NEU3: variants seen among roughly 807,000 people sequenced by gnomAD.
NEU3 encodes neuraminidase 3.
Under a neutral mutation model 11.4 loss-of-function variants are expected in NEU3, and 10 were observed. That is an observed-to-expected ratio of 0.88 (90% CI 0.54 to 1.49). The LOEUF is 1.49. NEU3 is among the 40% of genes most tolerant of loss of function. The probability of loss-of-function intolerance (pLI) is 0.00; values close to 1 mark genes in which losing one functional copy is unlikely to be tolerated. For synonymous variants in NEU3, 212 were observed against 228.2 expected (o/e 0.93, Z 0.64); for missense variants, 529 against 581.8 (o/e 0.91, Z 0.93).
At chr11:74,995,853 T>G (rs1392024646) in intron 2 of NEU3, among the ~76,000 whole-genome samples, 2 of 151,950 alleles carry the variant, frequency 1.3e-5, no homozygotes, top group Non-Finnish European at 2.9e-5. Context: ...CATAGATAAT[T>G]TCTTAAAATA....
intron 1 of NEU3, chr11:74,990,132 C>T: frequency 1.5e-6 from 1 of 652,916 alleles, no homozygotes; most frequent in South Asian, 1.7e-5. Flanking sequence ...ATTAAAGACA[C>T]CTATTAAAAC....
At chr11:74,985,298 A>G (rs553127447), upstream of NEU3, among the ~76,000 whole-genome samples, 1 of 152,316 alleles carries the variant, frequency 6.6e-6, no homozygotes, top group South Asian at 2.1e-4. Flanking sequence ...TTACCAATAC[A>G]GTTGAAGTCC....
chr11:74,988,898 C>A, upstream of NEU3: 2 of 637,760 alleles, frequency 3.1e-6, no homozygotes, highest in Admixed American at 3.0e-5. Flanking sequence ...ACAGCCTGCG[C>A]CCGCCTCTTT....
intron 3 of NEU3, among the ~76,000 whole-genome samples, chr11:75,016,233 A>G (rs984151248): frequency 6.6e-6 from 1 of 152,134 alleles, no homozygotes; most frequent in Non-Finnish European, 1.5e-5. Context: ...ACCTGACCCT[A>G]TGTCTGATCT....
rs1307348373 is a variant in NEU3 at position 74,989,090 on chromosome 11, C to T, written c.30C>T (p.Pro10=). Residue 10 remains proline, a synonymous_variant, in exon 1 of 3, where the codon CCC becomes CCT. Coordinates refer to ENST00000294064, the MANE Select transcript of NEU3 (RefSeq NM_006656.6). ...GACCTGCGGACCTGCCCCCGCGCCC[C>T]ATGGAAGAATCCCCGGCGTCCAGCT... MRPADLPPR[P]MEESPASSSA... is the part of the protein sequence containing the mutation. The T allele has an allele frequency of 3.9e-6, 6 of 1,550,868 alleles. No individual in the cohort carries two copies. The highest frequency in any genetic ancestry group is 2.7e-5 in the African/African-American group (2 of 72,998).
At chr11:75,019,495 G>A (rs558567213), downstream of NEU3, among the ~76,000 whole-genome samples, 9 of 152,336 alleles carry the variant, frequency 5.9e-5, no homozygotes, top group Admixed American at 5.2e-4. Flanking sequence ...TTCAGAGGGT[G>A]CAAACATCAA....
intron 2 of NEU3, among the ~76,000 whole-genome samples, chr11:75,005,141 G>T (rs1432527064): frequency 6.6e-6 from 1 of 152,082 alleles, no homozygotes; most frequent in Non-Finnish European, 1.5e-5. Flanking sequence ...TGACTTTTGA[G>T]TTGGGTATGG....
At position 75,006,495 on chromosome 11, in the gene NEU3, G is replaced by T. The variant is rs779433984; in HGVS notation, c.*3G>T. ...CAAGCCAATTCAAAAGCAATTAATT[G>T]GCTTAGGACCCAATTTCCATAGATG... On this transcript the variant is annotated 3_prime_UTR_variant, in exon 3 of 3. Coordinates refer to ENST00000294064, the MANE Select transcript of NEU3 (RefSeq NM_006656.6). The T allele has an allele frequency of 5.6e-6, 9 of 1,598,990 alleles. No individual in the cohort carries two copies. The Admixed American group carries it at 1.5e-4, about 27-fold the overall frequency.
intron 1 of NEU3, among the ~76,000 whole-genome samples, chr11:74,989,523 C>G (rs1385589949): frequency 6.6e-6 from 1 of 152,036 alleles, no homozygotes; most frequent in Non-Finnish European, 1.5e-5. Flanking sequence ...GTCCCCATCC[C>G]GGGCCCGAGT....
chr11:75,013,734 T>C (rs1022849188), downstream of NEU3, among the ~76,000 whole-genome samples: 1 of 152,226 alleles, frequency 6.6e-6, no homozygotes, highest in Non-Finnish European at 1.5e-5. Flanking sequence ...GTGCCTACTA[T>C]GTACTTTGGG....
the NEU3 span, among the ~76,000 whole-genome samples, chr11:74,981,238 T>G: frequency 6.6e-6 from 1 of 152,234 alleles, no homozygotes; most frequent in South Asian, 2.1e-4. Flanking sequence ...TTGATGAGGA[T>G]TGAGTAGTTG....
At chr11:74,994,962 A>C in intron 2 of NEU3, 1 of 639,964 alleles carries the variant, frequency 1.6e-6, no homozygotes, top group Non-Finnish European at 2.8e-6. Flanking sequence ...AGACAAGGAA[A>C]CTGAGACTCA....
downstream of NEU3, among the ~76,000 whole-genome samples, chr11:75,014,237 C>T (rs759003897): frequency 1.6e-4 from 25 of 152,104 alleles, no homozygotes; most frequent in Non-Finnish European, 3.1e-4. Context: ...GAAATGAGAA[C>T]CTGGATTCTC....
chr11:74,984,731 G>A (rs1252669463), upstream of NEU3, among the ~76,000 whole-genome samples: 1 of 152,128 alleles, frequency 6.6e-6, no homozygotes, highest in Non-Finnish European at 1.5e-5. Context: ...CGGGTGCCAG[G>A]CCTGATCCCC....
chr11:75,004,635 T>C (rs1948880164), intron 2 of NEU3, among the ~76,000 whole-genome samples: 1 of 152,218 alleles, frequency 6.6e-6, no homozygotes, highest in African/African-American at 2.4e-5. Context: ...ATAACTCCTC[T>C]GTGAGGATGT....
chr11:75,008,835 T>C lies in NEU3; in HGVS notation c.*2343T>C, dbSNP rs1328926008. The C allele has an allele frequency of 6.6e-6, 1 of 152,170 alleles. No individual in the cohort carries two copies. The highest frequency in any genetic ancestry group is 1.5e-5 in the Non-Finnish European group (1 of 68,074). 9.4% of individuals were successfully genotyped at this position (152,170 alleles called of 1,614,324 possible). ...TCCCAAAGTGCTGGGAATACAGGCA[T>C]GAGCTACTGCGCCCAGCCGAGAATA... On this transcript the variant is annotated 3_prime_UTR_variant, in exon 3 of 3. Transcript: ENST00000294064.
In NEU3 at chr11:75,006,285, C is replaced by T. The variant is rs1292507746; in HGVS notation, c.1179C>T (p.Pro393=). ...TGGAGGCTGCCTGCTGGTCCCGCCC[C>T]TGGATCTTGCACTGTGGGCCCTGTG... ...TPLEAACWSR[P]WILHCGPCGY... is the part of the protein sequence containing the mutation. The change falls in exon 3 of 3, where the codon CCC becomes CCT. Residue 393 remains proline (P), a synonymous_variant. Coordinates refer to ENST00000294064, the MANE Select transcript of NEU3 (RefSeq NM_006656.6). 1.2e-6 allele frequency: 2 copies of T among 1,614,024 alleles called. No individual in the cohort carries two copies. The highest frequency in any genetic ancestry group is 2.2e-5 in the East Asian group (1 of 44,862).
In NEU3 at chr11:74,998,022, T is replaced by A. The variant is rs567951803; in HGVS notation, c.306+3302T>A. On this transcript the variant is annotated intron_variant, in intron 2 of 2. Transcript: ENST00000294064. ...AAGATGGGGGACTCTTCCTTTCACT[T>A]GAACACTTAGAGGCCATTGTAGGGT... Among the ~76,000 whole-genome samples the A allele has an allele frequency of 8.5e-5, 13 of 152,316 alleles. No individual in the cohort carries two copies. In the South Asian group the frequency reaches 2.7e-3, roughly 32 times the overall value.
chr11:74,999,895 G>A (rs1261747603), intron 2 of NEU3, among the ~76,000 whole-genome samples: 1 of 152,100 alleles, frequency 6.6e-6, no homozygotes, highest in Non-Finnish European at 1.5e-5. Flanking sequence ...CTGTTTTCTG[G>A]GCTAAACAGC....
Sources: allele counts gnomAD v4.1 joint callset (sites outside exome capture counted in the v4.1 genomes callset), GRCh38; gene constraint gnomAD v4.1.1; transcripts MANE v1.5; gene names NCBI Gene and HGNC (gene_info 2026-07-23, HGNC 2026-07-21).